The following SOCS2 variants were observed in gnomAD, a reference collection of about 807,000 sequenced individuals.
The protein encoded by SOCS2 is CIS-2.
SOCS2 carries 10 observed loss-of-function variants against 18.6 expected under a neutral mutation model. That is an observed-to-expected ratio of 0.54 (90% confidence interval 0.33 to 0.91). The LOEUF (loss-of-function observed/expected upper bound fraction) is 0.91. Among genes scored for constraint, SOCS2 ranks in the 40% least tolerant of loss-of-function variants. The probability of loss-of-function intolerance (pLI) is 0.02; values close to 1 mark genes in which losing one functional copy is unlikely to be tolerated. For missense variants in SOCS2, 231 were observed against 247.2 expected, an observed-to-expected ratio of 0.93 and a Z score of 0.44; for synonymous variants, 104 against 104.0, an observed-to-expected ratio of 1.00 and a Z score of 0.00.
chr12:93,608,375 G>A, the SOCS2 span, among the ~76,000 whole-genome samples: 19 of 151,998 alleles, frequency 1.3e-4, no homozygotes, highest in African/African-American at 4.3e-4. Context: ...ATATAGGAGG[G>A]CACATTTTTC....
At chr12:93,592,678 T>C in the SOCS2 span, among the ~76,000 whole-genome samples, 50 of 152,258 alleles carry the variant, frequency 3.3e-4, no homozygotes, top group Non-Finnish European at 5.7e-4. Flanking sequence ...TGTTCATTTT[T>C]AAACAGCATA....
the SOCS2 span, among the ~76,000 whole-genome samples, chr12:93,594,946 T>C: frequency 1.3e-5 from 2 of 152,224 alleles, no homozygotes; most frequent in African/African-American, 4.8e-5. Flanking sequence ...CAATTCCTCT[T>C]GTCAGCAATA....
chr12:93,612,380 T>A, the SOCS2 span, among the ~76,000 whole-genome samples: 1 of 152,044 alleles, frequency 6.6e-6, no homozygotes, highest in Non-Finnish European at 1.5e-5. Context: ...TTTTCTGTGA[T>A]TACTTCATGG....
Position 93,573,243 on chromosome 12 carries a change from C to A in SOCS2, c.139+207C>A, listed in dbSNP as rs7959620. On this transcript the variant is annotated intron_variant, in intron 1 of 1. Transcript: ENST00000551556. ...CTCCAGGGACTCAGGCCTGGCGGAG[C>A]GCAGAGCGCGGGAAGAGCTTCTTGG... 2,175 of 640,622 alleles carry A rather than the reference C, an allele frequency of 3.4e-3. 41 individuals are homozygous for A. In the African/African-American group the frequency reaches 0.036, roughly 11 times the overall value. 39.7% of individuals were successfully genotyped at this position (640,622 alleles called of 1,614,324 possible).
At chr12:93,591,750 C>G in the SOCS2 span, among the ~76,000 whole-genome samples, 1 of 152,306 alleles carries the variant, frequency 6.6e-6, no homozygotes, top group Non-Finnish European at 1.5e-5. Context: ...ACAGGCTGAC[C>G]AACGTCAAGG....
the SOCS2 span, among the ~76,000 whole-genome samples, chr12:93,614,475 C>CTT: frequency 1.3e-5 from 1 of 77,636 alleles, no homozygotes; most frequent in African/African-American, 8.2e-5. Context: ...TCCTTCCTTC[C>CTT]TTCCTTTCCT....
At chr12:93,604,628 G>A in the SOCS2 span, among the ~76,000 whole-genome samples, 7 of 152,028 alleles carry the variant, frequency 4.6e-5, no homozygotes, top group East Asian at 1.2e-3. Context: ...CAGAATTTTT[G>A]CATGTTGGGT....
At chr12:93,620,445 T>C in the SOCS2 span, among the ~76,000 whole-genome samples, 1 of 152,072 alleles carries the variant, frequency 6.6e-6, no homozygotes, top group Admixed American at 6.6e-5. Flanking sequence ...GATGGAGTCT[T>C]GCTGTGTTGC....
At chr12:93,621,200 T>C in the SOCS2 span, among the ~76,000 whole-genome samples, 2 of 152,252 alleles carry the variant, frequency 1.3e-5, no homozygotes, top group Admixed American at 1.3e-4. Context: ...GTTTTTGAGA[T>C]ACCTAATTGA....
the SOCS2 span, among the ~76,000 whole-genome samples, chr12:93,609,895 G>C: frequency 0.019 from 2,848 of 152,264 alleles, 37 homozygotes; most frequent in African/African-American, 0.036. Context: ...GCTGATATCT[G>C]GAGAGGGCCT....
the SOCS2 span, among the ~76,000 whole-genome samples, chr12:93,603,132 T>C: frequency 4.5e-4 from 69 of 152,258 alleles, 1 homozygote; most frequent in Admixed American, 1.1e-3. Context: ...CTATTTTTAG[T>C]AGTTAATTGC....
At position 93,576,619 on chromosome 12, in the gene SOCS2, CATT is replaced by C. The variant is rs536273246; in HGVS notation, c.*1444_*1446del. On this transcript the variant is annotated 3_prime_UTR_variant, in exon 2 of 2. Transcript: ENST00000551556. ...TGTACCATCTTTTCTAGAGTCCAGA[CATT>C]ATTTATTTTATGGCTTTAAAATTTT... 37 of 152,206 alleles carry C rather than the reference CATT, an allele frequency of 2.4e-4. No homozygotes were observed. Among genetic ancestry groups the C allele is most frequent in the Non-Finnish European group, 5.0e-4 (34 of 68,032 alleles). The allele number at this position is 152,206 out of a possible 1,614,324, so 9.4% of individuals were successfully genotyped here. A position where few individuals can be genotyped will look rare whatever the true frequency, so the allele number is the denominator to read the frequency against.
the SOCS2 span, among the ~76,000 whole-genome samples, chr12:93,612,978 A>G: frequency 6.6e-6 from 1 of 152,150 alleles, no homozygotes; most frequent in Non-Finnish European, 1.5e-5. Context: ...AGCTGTAGCT[A>G]AGGAGTGAGG....
In SOCS2 at chr12:93,575,248, A is replaced by G. The variant is rs1441615417; in HGVS notation, c.*69A>G. On this transcript the variant is annotated 3_prime_UTR_variant, in exon 2 of 2. Coordinates refer to ENST00000551556, the MANE Select transcript of SOCS2 (RefSeq NM_001270471.2). ...AATGCAGCTATGTAAAAGAGAACCA[A>G]AACTTGAGTGCTCTGGATAACTATA... is the stretch of plus-strand genomic sequence containing the variant. 6 of 1,098,662 alleles carry G rather than the reference A, an allele frequency of 5.5e-6. No individual in the cohort carries two copies. The highest frequency in any genetic ancestry group is 1.6e-5 in the African/African-American group (1 of 62,882). 68.1% of individuals were successfully genotyped at this position (1,098,662 alleles called of 1,614,324 possible).
chr12:93,598,648 T>G, the SOCS2 span, among the ~76,000 whole-genome samples: 12,169 of 152,238 alleles, frequency 0.08, 898 homozygotes, highest in African/African-American at 0.2. Context: ...GTTGATACTT[T>G]TAGATAAAGT....
chr12:93,604,699 G>A, the SOCS2 span, among the ~76,000 whole-genome samples: 4 of 151,852 alleles, frequency 2.6e-5, no homozygotes, highest in South Asian at 2.1e-4. Flanking sequence ...TCGTTTTGTC[G>A]CCCAAGCTGG....
chr12:93,575,504 T>G lies in SOCS2; in HGVS notation c.*325T>G, dbSNP rs1390807013. The G allele has an allele frequency of 6.0e-6, 1 of 166,056 alleles. No individual in the cohort carries two copies. Among genetic ancestry groups the G allele is most frequent in the Non-Finnish European group, 1.3e-5 (1 of 75,932 alleles). 10.3% of individuals were successfully genotyped at this position (166,056 alleles called of 1,614,324 possible). A position where few individuals can be genotyped will look rare whatever the true frequency, so the allele number is the denominator to read the frequency against. ...CCTTCTTAGGTTCTTTTCCATTATG[T>G]CAAAGGTCCAGGCTCCAGTAGGAGA... On this transcript the variant is annotated 3_prime_UTR_variant, in exon 2 of 2. Transcript: ENST00000551556.
the SOCS2 span, among the ~76,000 whole-genome samples, chr12:93,610,890 G>GT: frequency 3.3e-5 from 5 of 152,060 alleles, no homozygotes; most frequent in African/African-American, 1.2e-4. Context: ...AGTCTAAGGT[G>GT]TTTTTTTAAT....
At chr12:93,599,874 T>C in the SOCS2 span, among the ~76,000 whole-genome samples, 4 of 152,250 alleles carry the variant, frequency 2.6e-5, no homozygotes. Flanking sequence ...TCCCAGCCCA[T>C]AGAAGTGTGA....
Sources: gnomAD v4.1 joint callset for allele counts (sites outside exome capture counted in the v4.1 genomes callset) on GRCh38, gnomAD v4.1.1 for gene constraint, MANE v1.5 for transcripts, NCBI Gene and HGNC (gene_info 2026-07-23, HGNC 2026-07-21) for gene names.